Variants in PLA2G4C observed in about 807,000 individuals in gnomAD.
The protein encoded by PLA2G4C is cytosolic phospholipase A2 gamma.
In PLA2G4C, 64 loss-of-function variants were observed where a neutral mutation model predicts 73.8. That is an observed-to-expected ratio of 0.87 (90% CI 0.71 to 1.07). The LOEUF is 1.07. PLA2G4C is among the 50% of genes least tolerant of loss of function. The probability of loss-of-function intolerance (pLI) is 0.00; values close to 1 mark genes in which losing one functional copy is unlikely to be tolerated. For synonymous variants in PLA2G4C, 254 were observed against 252.1 expected (o/e 1.01, Z -0.07); for missense variants, 622 against 665.4 (o/e 0.93, Z 0.72).
intron 14 of PLA2G4C, among the ~76,000 whole-genome samples, chr19:48,060,702 G>A (rs769783237): frequency 5.3e-5 from 8 of 152,108 alleles, no homozygotes; most frequent in Non-Finnish European, 8.8e-5. Flanking sequence ...TTATCATATT[G>A]TCTTGGGATA....
intron 5 of PLA2G4C, among the ~76,000 whole-genome samples, chr19:48,099,097 CAAA>C (rs11366693): frequency 6.8e-6 from 1 of 146,520 alleles, no homozygotes; most frequent in Non-Finnish European, 1.5e-5. Flanking sequence ...CCTGTCTCTA[CAAA>C]AAAAAAAATA....
chr19:48,073,757 G>A (rs1462387015), intron 12 of PLA2G4C, among the ~76,000 whole-genome samples: 5 of 151,958 alleles, frequency 3.3e-5, no homozygotes, highest in African/African-American at 9.7e-5. Flanking sequence ...TGGGGAGCAG[G>A]CACATCACTT....
At chr19:48,106,266 C>A (rs956822917) in intron 2 of PLA2G4C, among the ~76,000 whole-genome samples, 1 of 151,666 alleles carries the variant, frequency 6.6e-6, no homozygotes, top group Non-Finnish European at 1.5e-5. Context: ...AAAATATTTT[C>A]TTTTATTGTA....
intron 7 of PLA2G4C, among the ~76,000 whole-genome samples, chr19:48,092,082 T>C (rs796123768): frequency 1.4e-5 from 2 of 145,316 alleles, no homozygotes; most frequent in African/African-American, 5.1e-5. Context: ...TTTTTTTTTT[T>C]GAGATAGCCC....
At chr19:48,054,669 T>C (rs1028250054) in intron 15 of PLA2G4C, among the ~76,000 whole-genome samples, 16 of 152,164 alleles carry the variant, frequency 1.1e-4, no homozygotes, top group African/African-American at 3.4e-4. Context: ...TCACTTCTCC[T>C]TCCTGCCGCC....
intron 10 of PLA2G4C, among the ~76,000 whole-genome samples, chr19:48,082,568 G>A (rs1382573276): frequency 1.5e-5 from 2 of 134,030 alleles, no homozygotes; most frequent in African/African-American, 5.6e-5. Flanking sequence ...GTGCGATCTC[G>A]GCTCACTGCA....
chr19:48,100,587 A>G (rs2031846626), intron 4 of PLA2G4C, among the ~76,000 whole-genome samples: 1 of 137,466 alleles, frequency 7.3e-6, no homozygotes, highest in Admixed American at 7.4e-5. Context: ...CCTGGGCGAC[A>G]GAGCGTGACT....
At chr19:48,108,128 A>G (rs2032321805) in intron 1 of PLA2G4C, among the ~76,000 whole-genome samples, 1 of 151,940 alleles carries the variant, frequency 6.6e-6, no homozygotes, top group African/African-American at 2.4e-5. Context: ...TTTTATTTCT[A>G]CGATCTCTCG....
At chr19:48,086,275 G>C (rs996761918) in intron 9 of PLA2G4C, among the ~76,000 whole-genome samples, 5 of 152,182 alleles carry the variant, frequency 3.3e-5, no homozygotes, top group African/African-American at 1.2e-4. Flanking sequence ...ACTGCCAGTG[G>C]AACAGGGTGG....
At chr19:48,083,868 C>G (rs944140428) in intron 10 of PLA2G4C, among the ~76,000 whole-genome samples, 10 of 152,046 alleles carry the variant, frequency 6.6e-5, no homozygotes, top group African/African-American at 2.4e-4. Flanking sequence ...ATCAGAACCA[C>G]CATACGATTC....
chr19:48,100,050 A>C, intron 4 of PLA2G4C, 190 bp from the exon 5 acceptor site: 2 of 491,844 alleles, frequency 4.1e-6, no homozygotes, highest in Non-Finnish European at 7.2e-6. Context: ...AGGACTCAAA[A>C]TCATCTGGGA....
chr19:48,072,175 C>CA lies in PLA2G4C; in HGVS notation c.1006+2591dup, dbSNP rs756960784. ...AAACAAACAAAAACAAAAAACAAAA[C>CA]AAAAAAAAGTACGTTTTTTAAAAGA... On this transcript the variant is annotated intron_variant, in intron 12 of 16. Transcript: ENST00000599921. The surrounding 1 kb of genome is among the most constrained non-coding windows in gnomAD (Gnocchi z 4.4). Among the ~76,000 whole-genome samples the CA allele has an allele frequency of 1.6e-4, 25 of 151,622 alleles. No homozygotes were observed. Among genetic ancestry groups the CA allele is most frequent in the Admixed American group, 7.2e-4 (11 of 15,176 alleles).
At chr19:48,094,209 A>G (rs1013582979) in intron 7 of PLA2G4C, among the ~76,000 whole-genome samples, 5 of 152,198 alleles carry the variant, frequency 3.3e-5, no homozygotes, top group Non-Finnish European at 5.9e-5. Context: ...CTGACCACCA[A>G]TTAAAAATAA....
Position 48,110,715 on chromosome 19 carries a change from C to G in PLA2G4C, c.-261G>C, listed in dbSNP as rs1031459858. On this transcript the variant is annotated 5_prime_UTR_variant, in exon 1 of 17. Transcript: ENST00000599921. ...GGTCGCGGGCTGGAGGTGTTTCCTC[C>G]TGGTCCTGAGCAGGGCCAACCTGGA... 2 of 494,060 alleles carry G rather than the reference C, an allele frequency of 4.0e-6. No homozygotes were observed. Among genetic ancestry groups the G allele is most frequent in the Non-Finnish European group, 7.1e-6 (2 of 282,416 alleles). 30.6% of individuals were successfully genotyped at this position (494,060 alleles called of 1,614,324 possible).
chr19:48,100,108 A>C (rs1007006299), intron 4 of PLA2G4C: 23 of 411,932 alleles, frequency 5.6e-5, no homozygotes, highest in Non-Finnish European at 3.0e-5. Flanking sequence ...GATGGGAGAA[A>C]GGCCTCATCA....
At chr19:48,063,609 C>G (rs1240024531) in intron 13 of PLA2G4C, among the ~76,000 whole-genome samples, 6 of 141,052 alleles carry the variant, frequency 4.3e-5, no homozygotes, top group Admixed American at 3.6e-4. Flanking sequence ...CTCCTACCCC[C>G]CCACAACACC....
chr19:48,054,820 G>A (rs1245898362), intron 15 of PLA2G4C, 58 bp downstream of exon 15: 28 of 1,441,016 alleles, frequency 1.9e-5, no homozygotes, highest in Non-Finnish European at 2.6e-5. Flanking sequence ...GTTTTTATTA[G>A]CAGTGTGAGC....
In PLA2G4C at chr19:48,088,719, A is replaced by C. The variant is rs1306346669; in HGVS notation, c.764-7T>G. On this transcript the variant is annotated splice_polypyrimidine_tract_variant and splice_region_variant and intron_variant, in intron 8 of 16. Coordinates refer to ENST00000599921, the MANE Select transcript of PLA2G4C (RefSeq NM_003706.3). The stretch of plus-strand genomic sequence containing the variant: ...GTCAGATTCCTTAACTGGTCTGCAA[A>C]AGAGTAGAAGCAGGAGGAATGTTTA... 9 of 1,597,776 alleles carry C rather than the reference A, an allele frequency of 5.6e-6. No homozygotes were observed. The highest frequency in any genetic ancestry group is 1.7e-5 in the Admixed American group (1 of 59,980).
chr19:48,073,893 G>T (rs2029955941), intron 12 of PLA2G4C, among the ~76,000 whole-genome samples: 1 of 151,954 alleles, frequency 6.6e-6, no homozygotes, highest in South Asian at 2.1e-4. Flanking sequence ...ATTCATGAGG[G>T]ATCCGCCCCC....
Sources: gnomAD v4.1 joint callset for allele counts (sites outside exome capture counted in the v4.1 genomes callset) on GRCh38, gnomAD v4.1.1 for gene constraint, Gnocchi (gnomAD v3.1) non-coding constraint, MANE v1.5 for transcripts, NCBI Gene and HGNC (gene_info 2026-07-23, HGNC 2026-07-21) for gene names.